Variants in PCCA observed in about 807,000 individuals in gnomAD.
The protein encoded by PCCA is propionyl-CoA carboxylase alpha chain, mitochondrial.
PCCA carries 74 observed loss-of-function variants against 101.3 expected under a neutral mutation model. That is an observed-to-expected ratio of 0.73 (90% CI 0.61 to 0.89). The LOEUF (loss-of-function observed/expected upper bound fraction) is 0.89. Among genes scored for constraint, PCCA ranks in the 40% least tolerant of loss-of-function variants. The pLI is 0.00. For missense variants in PCCA, 891 were observed against 907.0 expected (o/e 0.98, Z 0.23); for synonymous variants, 294 against 313.6 (o/e 0.94, Z 0.66).
At chr13:100,348,000 G>A (rs1053123032) in intron 18 of PCCA, among the ~76,000 whole-genome samples, 1 of 152,162 alleles carries the variant, frequency 6.6e-6, no homozygotes, top group Non-Finnish European at 1.5e-5. Flanking sequence ...CTTGCTTACT[G>A]AGGAGGTCCT....
At chr13:100,142,763 C>G (rs1403256888) in intron 4 of PCCA, among the ~76,000 whole-genome samples, 1 of 152,254 alleles carries the variant, frequency 6.6e-6, no homozygotes, top group East Asian at 1.9e-4. Flanking sequence ...CATGAGCCAC[C>G]ACACCCAGCT....
At chr13:100,204,007 T>C (rs1361298281) in intron 6 of PCCA, among the ~76,000 whole-genome samples, 1 of 152,234 alleles carries the variant, frequency 6.6e-6, no homozygotes, top group African/African-American at 2.4e-5. Flanking sequence ...TTATCTCATG[T>C]GCTAACTTCC....
At chr13:100,191,831 T>G (rs2057764366) in intron 6 of PCCA, among the ~76,000 whole-genome samples, 1 of 152,198 alleles carries the variant, frequency 6.6e-6, no homozygotes, top group South Asian at 2.1e-4. Context: ...CGCTTGCTGG[T>G]AGTTGACATA....
intron 19 of PCCA, among the ~76,000 whole-genome samples, chr13:100,424,840 A>T (rs1298567704): frequency 6.6e-6 from 1 of 152,194 alleles, no homozygotes; most frequent in African/African-American, 2.4e-5. Context: ...ATTAAGTATC[A>T]CCTTGTTAGG....
intron 18 of PCCA, among the ~76,000 whole-genome samples, chr13:100,341,120 A>G (rs1428381484): frequency 1.3e-5 from 2 of 152,168 alleles, no homozygotes; most frequent in East Asian, 3.9e-4. Flanking sequence ...CTCTTTACCT[A>G]GAAAGAATAG....
At position 100,257,662 on chromosome 13, in the gene PCCA, TGA is replaced by T. The variant is rs1203008047; in HGVS notation, c.706_707del (p.Glu236ArgfsTer7). The T allele has an allele frequency of 6.2e-7, 1 of 1,612,756 alleles. No individual in the cohort carries two copies. Among genetic ancestry groups the T allele is most frequent in the South Asian group, 1.1e-5 (1 of 91,020 alleles). ...AAGGCATGCGCATTGCTTGGGATGA[TGA>T]AGAGACCAGGTGAGAGGCTGTCCAA... is the stretch of plus-strand genomic sequence containing the variant. ...GKGMRIAWDDEETRDGFRLSS... is the reference protein window; with the variant it reads ...GKGMRIAWDDXETRDGFRLSS... On this transcript the variant is annotated frameshift_variant, in exon 9 of 24. Coordinates refer to ENST00000376285, the MANE Select transcript of PCCA (RefSeq NM_000282.4). LOFTEE classifies it high-confidence loss of function.
chr13:100,522,666 C>G (rs1461748640), intron 22 of PCCA, among the ~76,000 whole-genome samples: 1 of 152,144 alleles, frequency 6.6e-6, no homozygotes, highest in African/African-American at 2.4e-5. Context: ...ATCAGAAATA[C>G]GACTGCACAC....
At chr13:100,393,951 T>C (rs116153108) in intron 19 of PCCA, among the ~76,000 whole-genome samples, 2,073 of 152,276 alleles carry the variant, frequency 0.014, 48 homozygotes, top group African/African-American at 0.048. Context: ...TACATAGAAA[T>C]GTTCTGCCTT....
intron 5 of PCCA, among the ~76,000 whole-genome samples, chr13:100,155,729 A>G (rs1237132902): frequency 6.6e-6 from 1 of 152,198 alleles, no homozygotes; most frequent in Non-Finnish European, 1.5e-5. Flanking sequence ...AGTGTTAAAA[A>G]CTATGCAAAG....
At chr13:100,207,232 A>G (rs1192016419) in intron 6 of PCCA, among the ~76,000 whole-genome samples, 1 of 152,044 alleles carries the variant, frequency 6.6e-6, no homozygotes, top group Non-Finnish European at 1.5e-5. Flanking sequence ...CCACATTGTC[A>G]CTCAAAGAAA....
chr13:100,202,573 G>A (rs1376347100), intron 6 of PCCA, among the ~76,000 whole-genome samples: 1 of 149,138 alleles, frequency 6.7e-6, no homozygotes, highest in African/African-American at 2.5e-5. Context: ...AATTTCTCCT[G>A]TAGTGTGGTC....
chr13:100,501,050 G>A (rs191981363), intron 21 of PCCA, among the ~76,000 whole-genome samples: 2 of 152,204 alleles, frequency 1.3e-5, no homozygotes, highest in East Asian at 3.9e-4. Flanking sequence ...GCTGAGGCAG[G>A]ACAATTGCTT....
At chr13:100,290,897 A>G (rs1041261628) in intron 12 of PCCA, among the ~76,000 whole-genome samples, 6 of 152,200 alleles carry the variant, frequency 3.9e-5, no homozygotes, top group Non-Finnish European at 8.8e-5. Context: ...GGGAAATCAC[A>G]TTATTTTAGC....
At chr13:100,348,920 T>TTTCTTTCGTTCCTTCCTTCCTTCCTTCC (rs1555429132) in intron 18 of PCCA, among the ~76,000 whole-genome samples, 1 of 89,020 alleles carries the variant, frequency 1.1e-5, no homozygotes, top group Non-Finnish European at 2.3e-5. Flanking sequence ...CTTTCTTTTC[T>TTTCTTTCGTTCCTTCCTTCCTTCCTTCC]TTTCTTTTCT....
At chr13:100,321,150 G>A (rs1347200257) in intron 16 of PCCA, among the ~76,000 whole-genome samples, 8 of 152,074 alleles carry the variant, frequency 5.3e-5, no homozygotes, top group Admixed American at 4.6e-4. Flanking sequence ...TCCTCTTCCC[G>A]GAACACCAAA....
chr13:100,488,871 A>G (rs1410773222), intron 21 of PCCA, among the ~76,000 whole-genome samples: 3 of 151,908 alleles, frequency 2.0e-5, no homozygotes, highest in African/African-American at 4.8e-5. Context: ...CTGTTTTACC[A>G]TGGGCCACTC....
chr13:100,173,219 A>G (rs2055881383), intron 6 of PCCA, among the ~76,000 whole-genome samples: 1 of 152,214 alleles, frequency 6.6e-6, no homozygotes, highest in Non-Finnish European at 1.5e-5. Context: ...TGGAAGCAGC[A>G]GTGGTGATCT....
rs1255454373 is a variant in PCCA at position 100,100,784 on chromosome 13, CTTCT to C, written c.106-2096_106-2093del. 3.3e-5 allele frequency among the ~76,000 whole-genome samples: 4 copies of C among 120,454 alleles called. No individual in the cohort carries two copies. The South Asian group carries it at 1.0e-3, about 30-fold the overall frequency. 79.0% of individuals were successfully genotyped at this position (120,454 alleles called of 152,430 possible). On this transcript the variant is annotated intron_variant, in intron 1 of 23. Coordinates refer to ENST00000376285, the MANE Select transcript of PCCA (RefSeq NM_000282.4). ...GTGTTTGCTTGTACGAGTTCTACTT[CTTCT>C]TTTTTTTTTTTTTGTTGAGACAGTG...
chr13:100,331,495 C>T (rs933068427), intron 17 of PCCA, among the ~76,000 whole-genome samples: 11 of 152,094 alleles, frequency 7.2e-5, no homozygotes, highest in South Asian at 6.2e-4. Context: ...AAGTTGATGT[C>T]GTTGAGTTGT....
Sources: allele counts gnomAD v4.1 joint callset (sites outside exome capture counted in the v4.1 genomes callset), GRCh38; gene constraint gnomAD v4.1.1; transcripts MANE v1.5; gene names NCBI Gene and HGNC (gene_info 2026-07-23, HGNC 2026-07-21).